Variants in KLHL22 observed in about 807,000 individuals in gnomAD.
The protein encoded by KLHL22 is kelch like family member 22.
KLHL22 carries 18 observed loss-of-function variants against 60.7 expected under a neutral mutation model. That is an observed-to-expected ratio of 0.30 (90% confidence interval 0.20 to 0.44). The LOEUF is 0.44. Among genes scored for constraint, KLHL22 ranks in the 20% least tolerant of loss-of-function variants. The probability of loss-of-function intolerance (pLI) is 1.00; values close to 1 mark genes in which losing one functional copy is unlikely to be tolerated. For missense variants in KLHL22, 596 were observed against 852.3 expected (o/e 0.70, Z 3.74); for synonymous variants, 355 against 354.5 (o/e 1.00, Z -0.01).
intron 4 of KLHL22, among the ~76,000 whole-genome samples, chr22:20,458,927 G>A (rs1022696860): frequency 1.3e-5 from 2 of 152,136 alleles, no homozygotes; most frequent in Admixed American, 6.6e-5. Flanking sequence ...TGAGATTCCA[G>A]GGACCCCCAT....
intron 5 of KLHL22, chr22:20,450,685 G>C: frequency 6.7e-7 from 1 of 1,498,752 alleles, no homozygotes; most frequent in Non-Finnish European, 9.3e-7. Flanking sequence ...TGAAATTCAG[G>C]TGGATCCTGA....
At chr22:20,459,994 C>T (rs2053125778) in intron 4 of KLHL22, among the ~76,000 whole-genome samples, 1 of 152,180 alleles carries the variant, frequency 6.6e-6, no homozygotes. Context: ...AAGGCAGGGT[C>T]TGAGACCTGC....
At chr22:20,476,405 ATTTTTTT>A (rs57189584) in intron 2 of KLHL22, among the ~76,000 whole-genome samples, 12 of 69,356 alleles carry the variant, frequency 1.7e-4, no homozygotes, top group East Asian at 5.0e-4. Context: ...ATTGACACAG[ATTTTTTT>A]TTTTTTTTTT....
At chr22:20,484,217 T>C (rs1331758221) in intron 2 of KLHL22, 3 of 448,534 alleles carry the variant, frequency 6.7e-6, no homozygotes, top group South Asian at 1.8e-5. Context: ...GGTCTCCAAC[T>C]CTGGACCTCA....
chr22:20,442,564 G>A (rs905464088), intron 6 of KLHL22, 126 bp from the exon 7 acceptor site: 1 of 1,178,356 alleles, frequency 8.5e-7, no homozygotes, highest in Non-Finnish European at 1.2e-6. Flanking sequence ...CCCCTGGAAG[G>A]ATGGCACAGG....
chr22:20,450,932 G>A (rs2052966762), intron 5 of KLHL22: 2 of 1,612,384 alleles, frequency 1.2e-6, no homozygotes, highest in Admixed American at 1.7e-5. Flanking sequence ...CAGGGACCCA[G>A]GACAAGGGCT....
chr22:20,460,080 G>C (rs891511298), intron 4 of KLHL22, among the ~76,000 whole-genome samples: 1 of 152,152 alleles, frequency 6.6e-6, no homozygotes, highest in African/African-American at 2.4e-5. Flanking sequence ...CACTCACAGG[G>C]GCCCCGTCAA....
chr22:20,446,733 G>A (rs2052870386), intron 5 of KLHL22, 57 bp from the exon 6 acceptor site: 1 of 1,425,946 alleles, frequency 7.0e-7, no homozygotes, highest in Middle Eastern at 1.8e-4. Flanking sequence ...GGGTGGCTGG[G>A]TACTCTGTCA....
At chr22:20,479,265 TA>T (rs201980940) in intron 2 of KLHL22, among the ~76,000 whole-genome samples, 2,447 of 151,438 alleles carry the variant, frequency 0.016, 46 homozygotes, top group African/African-American at 0.045. Context: ...AAAAATATAT[TA>T]AAAAAAAATT....
intron 6 of KLHL22, among the ~76,000 whole-genome samples, chr22:20,442,963 C>A (rs1032871087): frequency 6.6e-6 from 1 of 152,216 alleles, no homozygotes; most frequent in Admixed American, 6.5e-5. Context: ...CATCAATATT[C>A]TCTTGTCTTC....
intron 5 of KLHL22, chr22:20,451,715 T>C: frequency 6.3e-7 from 1 of 1,577,974 alleles, no homozygotes; most frequent in Non-Finnish European, 8.7e-7. Context: ...GGTAAGTCCC[T>C]GCTAAGTAGC....
At position 20,465,158 on chromosome 22, in the gene KLHL22, G is replaced by A. The variant is rs1201107234; in HGVS notation, c.812C>T (p.Ala271Val). The change falls in exon 4 of 7, where the codon GCC becomes GTC. Residue 271 changes from alanine to valine, a missense_variant. By Grantham distance (64) the Ala-to-Val change is moderately conservative. Coordinates refer to ENST00000328879, the MANE Select transcript of KLHL22 (RefSeq NM_032775.4). This position sits in a 1 kb window ranked among gnomAD's most constrained non-coding sequence, Gnocchi z 4.9. ...GTTCCGGTGGTACATGAGGGCGCTG[G>A]CCACTGTGTCCCTCAAAGGGCTGGG... is the stretch of plus-strand genomic sequence containing the variant. Reference protein sequence around the residue: ...LDPSPLRDTVASALMYHRNES... With the variant: ...LDPSPLRDTVVSALMYHRNES... The A allele has an allele frequency of 1.2e-6, 2 of 1,613,680 alleles. No individual in the cohort carries two copies. The highest frequency in any genetic ancestry group is 2.2e-5 in the East Asian group (1 of 44,892).
intron 3 of KLHL22, among the ~76,000 whole-genome samples, chr22:20,469,064 A>G (rs2053275207): frequency 2.0e-5 from 3 of 152,116 alleles, no homozygotes; most frequent in Non-Finnish European, 4.4e-5. Context: ...CCAAACCAAC[A>G]GAGAGAGACT....
At chr22:20,461,403 A>G (rs1482406078) in intron 4 of KLHL22, among the ~76,000 whole-genome samples, 1 of 151,946 alleles carries the variant, frequency 6.6e-6, no homozygotes. Flanking sequence ...AATACAAAAA[A>G]TTAGCCAGGC....
intron 2 of KLHL22, chr22:20,483,326 G>A (rs996526315): frequency 3.0e-5 from 22 of 725,438 alleles, no homozygotes; most frequent in Middle Eastern, 3.8e-4. Context: ...CGTTTCTTCC[G>A]AGCCAGCTCA....
intron 2 of KLHL22, chr22:20,482,876 C>G: frequency 8.2e-7 from 1 of 1,224,168 alleles, no homozygotes; most frequent in Non-Finnish European, 1.2e-6. Context: ...CATTATCTGG[C>G]AGGTGGTGGT....
chr22:20,463,645 T>G (rs1457444910), intron 4 of KLHL22, among the ~76,000 whole-genome samples: 2 of 152,176 alleles, frequency 1.3e-5, no homozygotes, highest in Non-Finnish European at 2.9e-5. Flanking sequence ...CAAAGGGAAG[T>G]CTAAACCTAG....
intron 2 of KLHL22, among the ~76,000 whole-genome samples, chr22:20,480,761 A>T (rs1303143168): frequency 1.3e-5 from 2 of 151,880 alleles, no homozygotes; most frequent in Admixed American, 6.6e-5. Context: ...GATAAAAAAT[A>T]TAATTAGCCT....
At chr22:20,466,786 G>T (rs550941664) in intron 3 of KLHL22, among the ~76,000 whole-genome samples, 2 of 152,282 alleles carry the variant, frequency 1.3e-5, no homozygotes, top group East Asian at 3.9e-4. Flanking sequence ...CAGGGTTCTT[G>T]AGGTTCCCAG....
Sources: allele counts gnomAD v4.1 joint callset (sites outside exome capture counted in the v4.1 genomes callset), GRCh38; gene constraint gnomAD v4.1.1; non-coding constraint Gnocchi (gnomAD v3.1); transcripts MANE v1.5; gene names NCBI Gene and HGNC (gene_info 2026-07-23, HGNC 2026-07-21).